IQUB: variants seen among roughly 807,000 people sequenced by gnomAD.
IQUB encodes the protein IQ motif and ubiquitin domain containing.
IQUB carries 86 observed loss-of-function variants against 86.4 expected under a neutral mutation model. That is an observed-to-expected ratio of 1.00 (90% confidence interval 0.84 to 1.19). The LOEUF (loss-of-function observed/expected upper bound fraction) is 1.19, where lower values mean the gene tolerates loss of function less well. Among genes scored for constraint, IQUB ranks in the 50% most tolerant of loss-of-function variants. The probability of loss-of-function intolerance (pLI) is 0.00; values close to 1 mark genes in which losing one functional copy is unlikely to be tolerated. For synonymous variants in IQUB, 289 were observed against 304.5 expected, an observed-to-expected ratio of 0.95 and a Z score of 0.53; for missense variants, 946 against 916.9, an observed-to-expected ratio of 1.03 and a Z score of -0.41.
intron 7 of IQUB, among the ~76,000 whole-genome samples, chr7:123,482,687 G>C (rs557956637): frequency 1.3e-5 from 2 of 152,224 alleles, no homozygotes; most frequent in East Asian, 3.9e-4. Flanking sequence ...TCAAATGTCA[G>C]TCATGTACCT....
chr7:123,490,564 C>T (rs542117638), intron 7 of IQUB, among the ~76,000 whole-genome samples: 1 of 152,288 alleles, frequency 6.6e-6, no homozygotes, highest in South Asian at 2.1e-4. Flanking sequence ...ATTTATTGAT[C>T]ACTACACCCA....
At chr7:123,527,474 G>A (rs1385776324) in intron 1 of IQUB, among the ~76,000 whole-genome samples, 1 of 152,184 alleles carries the variant, frequency 6.6e-6, no homozygotes, top group African/African-American at 2.4e-5. Flanking sequence ...TGATGATGGT[G>A]ATGTACAGAT....
chr7:123,476,602 T>C (rs1011118217), intron 8 of IQUB, among the ~76,000 whole-genome samples: 2 of 151,258 alleles, frequency 1.3e-5, no homozygotes, highest in South Asian at 2.1e-4. Flanking sequence ...GAGGAGAGAA[T>C]TGAGACGTGA....
chr7:123,483,781 T>A (rs1241787003), intron 7 of IQUB, among the ~76,000 whole-genome samples: 1 of 152,098 alleles, frequency 6.6e-6, no homozygotes, highest in Non-Finnish European at 1.5e-5. Context: ...CTTGGCAGAT[T>A]ACTTACCCTT....
intron 8 of IQUB, among the ~76,000 whole-genome samples, chr7:123,479,422 C>T (rs1210228104): frequency 6.6e-6 from 1 of 152,080 alleles, no homozygotes; most frequent in Non-Finnish European, 1.5e-5. Context: ...CATCAGAGCA[C>T]CCCAGACCTA....
rs1237726911 is a variant in IQUB at position 123,479,877 on chromosome 7, T to A, written c.1328A>T (p.Gln443Leu). 1.2e-6 allele frequency: 2 copies of A among 1,612,862 alleles called. No homozygotes were observed. Among genetic ancestry groups the A allele is most frequent in the African/African-American group, 2.7e-5 (2 of 74,868 alleles). The change falls in exon 8 of 13, where the codon CAG becomes CTG. Residue 443 changes from glutamine (Q) to leucine (L), a missense_variant. By Grantham distance (113) the Gln-to-Leu change is moderately radical. Transcript: ENST00000324698. The stretch of plus-strand genomic sequence containing the variant: ...ATGTCTCCCAATGGAAGCAATTATC[T>A]GAGTCTCTTTTTCCAGAAGTTCACA... ...ALCELLEKETQIIASIGRHRY... is the reference protein window; with the variant it reads ...ALCELLEKETLIIASIGRHRY...
At chr7:123,453,041 T>C (rs1003971498) in intron 12 of IQUB, 116 bp from the exon 13 acceptor site, 1 of 731,872 alleles carries the variant, frequency 1.4e-6, no homozygotes, top group Non-Finnish European at 2.2e-6. Flanking sequence ...ACTACCTTTA[T>C]TTTTCTCACG....
intron 12 of IQUB, among the ~76,000 whole-genome samples, 180 bp from the exon 13 acceptor site, chr7:123,453,105 T>TC (rs1793513244): frequency 6.6e-6 from 1 of 151,812 alleles, no homozygotes; most frequent in Admixed American, 6.6e-5. Flanking sequence ...CTGGAAGTTT[T>TC]CCCCAACTCT....
chr7:123,529,724 TAA>T (rs753026777), intron 1 of IQUB, among the ~76,000 whole-genome samples: 80 of 35,816 alleles, frequency 2.2e-3, no homozygotes, highest in Middle Eastern at 0.023. Context: ...TGTCTCTACT[TAA>T]AAAAAAAAAA....
At chr7:123,453,670 G>A (rs564434618) in intron 12 of IQUB, among the ~76,000 whole-genome samples, 60 of 152,032 alleles carry the variant, frequency 3.9e-4, no homozygotes, top group Non-Finnish European at 6.9e-4. Flanking sequence ...GAACAAGGTG[G>A]AGCCACCATA....
chr7:123,526,215 A>C (rs1159413591), intron 1 of IQUB, among the ~76,000 whole-genome samples: 1 of 152,076 alleles, frequency 6.6e-6, no homozygotes, highest in Non-Finnish European at 1.5e-5. Context: ...ATGTCTATTA[A>C]GTCCACTTGG....
chr7:123,527,200 G>C lies in IQUB; in HGVS notation c.-5+7292C>G, dbSNP rs528672408. Among the ~76,000 whole-genome samples, 428 of 152,128 alleles carry C rather than the reference G, an allele frequency of 2.8e-3. 1 individual carries two copies. Among genetic ancestry groups the C allele is most frequent in the African/African-American group, 9.7e-3 (402 of 41,504 alleles). On this transcript the variant is annotated intron_variant, in intron 1 of 12. Coordinates refer to ENST00000324698, the MANE Select transcript of IQUB (RefSeq NM_178827.5). Reference sequence around the variant, plus strand: ...TAAGCACTTTTCTTTATTGGTTATTGTAGTTATACATTCTTCCAAATTTTT... The same window carrying C: ...TAAGCACTTTTCTTTATTGGTTATTCTAGTTATACATTCTTCCAAATTTTT...
intron 3 of IQUB, among the ~76,000 whole-genome samples, chr7:123,507,365 C>T (rs1584624578): frequency 1.3e-5 from 2 of 152,290 alleles, no homozygotes. Flanking sequence ...TGTAACTATT[C>T]TGAGCACACT....
chr7:123,498,038 G>A (rs1795779785), intron 6 of IQUB, among the ~76,000 whole-genome samples: 1 of 151,578 alleles, frequency 6.6e-6, no homozygotes, highest in Admixed American at 6.6e-5. Flanking sequence ...CCCTAGGCAA[G>A]AGTGGTGAGT....
intron 7 of IQUB, among the ~76,000 whole-genome samples, chr7:123,485,698 A>C (rs1365839792): frequency 1.3e-5 from 2 of 152,174 alleles, no homozygotes; most frequent in African/African-American, 4.8e-5. Flanking sequence ...TCCAAGCAAG[A>C]AATAGCAGAA....
intron 7 of IQUB, among the ~76,000 whole-genome samples, chr7:123,495,621 AT>A (rs770030145): frequency 3.9e-5 from 6 of 152,118 alleles, no homozygotes; most frequent in Non-Finnish European, 7.4e-5. Flanking sequence ...TAGGTTTTAA[AT>A]TTTTCTGTGT....
chr7:123,516,278 C>T (rs1796632187), intron 1 of IQUB, among the ~76,000 whole-genome samples: 1 of 152,132 alleles, frequency 6.6e-6, no homozygotes, highest in South Asian at 2.1e-4. Flanking sequence ...AGTGAAAATA[C>T]ATGGGTAAAT....
At chr7:123,463,098 A>T (rs1201279021) in intron 10 of IQUB, among the ~76,000 whole-genome samples, 2 of 151,890 alleles carry the variant, frequency 1.3e-5, no homozygotes, top group African/African-American at 2.4e-5. Context: ...CCCAAAAAAG[A>T]AGTACAGGAT....
chr7:123,494,702 C>G (rs534315196), intron 7 of IQUB, among the ~76,000 whole-genome samples: 3 of 152,074 alleles, frequency 2.0e-5, no homozygotes, highest in African/African-American at 7.2e-5. Flanking sequence ...ATGTATAGGT[C>G]CTTGTACTTT....
Sources: gnomAD v4.1 joint callset for allele counts (sites outside exome capture counted in the v4.1 genomes callset) on GRCh38, gnomAD v4.1.1 for gene constraint, MANE v1.5 for transcripts, NCBI Gene and HGNC (gene_info 2026-07-23, HGNC 2026-07-21) for gene names.